The following MYRIP variants were observed in gnomAD, a reference collection of about 807,000 sequenced individuals.
MYRIP encodes myosin VIIA and Rab interacting protein.
Under a neutral mutation model 98.0 loss-of-function variants are expected in MYRIP, and 49 were observed. The observed-to-expected ratio is 0.50, with a 90% CI of 0.40 to 0.63. The LOEUF is 0.63. MYRIP is among the 30% of genes least tolerant of loss of function. The probability of loss-of-function intolerance (pLI) is 0.00; values close to 1 mark genes in which losing one functional copy is unlikely to be tolerated. For missense variants in MYRIP, 1,004 were observed against 1,058.2 expected, an observed-to-expected ratio of 0.95 and a Z score of 0.71; for synonymous variants, 404 against 409.5, an observed-to-expected ratio of 0.99 and a Z score of 0.16.
At chr3:40,173,205 T>C (rs1333265756) in intron 8 of MYRIP, 1 of 152,228 alleles carries the variant, frequency 6.6e-6, no homozygotes, top group Non-Finnish European at 1.5e-5. Context: ...TAGCTCCACA[T>C]GAGAGCACCC....
At chr3:39,875,215 T>C (rs549241495) in intron 1 of MYRIP, among the ~76,000 whole-genome samples, 2 of 152,302 alleles carry the variant, frequency 1.3e-5, no homozygotes, top group African/African-American at 4.8e-5. Context: ...ATTGCATCTA[T>C]TTGATTCTTC....
At chr3:40,089,980 T>C (rs1948711512) in intron 3 of MYRIP, among the ~76,000 whole-genome samples, 1 of 151,696 alleles carries the variant, frequency 6.6e-6, no homozygotes, top group Non-Finnish European at 1.5e-5. Flanking sequence ...TAAAAGTGCT[T>C]CTCTCAATTC....
chr3:39,952,429 AATG>A (rs1197673273), intron 2 of MYRIP, among the ~76,000 whole-genome samples: 1 of 152,158 alleles, frequency 6.6e-6, no homozygotes, highest in Non-Finnish European at 1.5e-5. Flanking sequence ...TATCTATTAA[AATG>A]ATGATGTGGT....
chr3:39,897,760 T>TTCTCAGTC (rs1333446845), intron 1 of MYRIP, among the ~76,000 whole-genome samples: 7 of 152,166 alleles, frequency 4.6e-5, no homozygotes, highest in African/African-American at 1.7e-4. Context: ...AAAGAAAGTT[T>TTCTCAGTC]TCTCAGTCTC....
chr3:40,008,683 T>C (rs944612076), intron 2 of MYRIP, among the ~76,000 whole-genome samples: 1 of 152,182 alleles, frequency 6.6e-6, no homozygotes, highest in African/African-American at 2.4e-5. Context: ...CAGGACTCCT[T>C]ACATCACAGT....
intron 2 of MYRIP, among the ~76,000 whole-genome samples, chr3:40,004,630 A>G (rs4328744): frequency 0.98 from 148,921 of 152,206 alleles, 72,931 homozygotes; most frequent in East Asian, 1. Flanking sequence ...CCTCACCCCA[A>G]CTCCCACCTT....
chr3:40,202,906 C>CTTACTTAT (rs369594921), intron 10 of MYRIP, among the ~76,000 whole-genome samples: 21,700 of 142,146 alleles, frequency 0.15, 1,729 homozygotes, highest in East Asian at 0.28. Flanking sequence ...CCTCCATTTA[C>CTTACTTAT]TTATTTATTT....
In MYRIP at chr3:39,842,617, G is replaced by A. The variant is rs564963314; in HGVS notation, c.-31+32701G>A. Among the ~76,000 whole-genome samples the A allele has an allele frequency of 3.3e-5, 5 of 152,316 alleles. No homozygotes were observed. In the South Asian group the frequency reaches 1.0e-3, roughly 32 times the overall value. ...GGCACCCAAGGGAATCTCCTTGTCT[G>A]TGAATTGCAGAGACCATGGGAAAAG... On this transcript the variant is annotated intron_variant, in intron 1 of 16. Coordinates refer to ENST00000302541, the MANE Select transcript of MYRIP (RefSeq NM_015460.4).
chr3:40,165,827 A>G (rs914356384), intron 5 of MYRIP, among the ~76,000 whole-genome samples: 3 of 151,942 alleles, frequency 2.0e-5, no homozygotes, highest in African/African-American at 7.3e-5. Context: ...GCTTGTATTC[A>G]TCTCAGTTTT....
intron 1 of MYRIP, among the ~76,000 whole-genome samples, chr3:39,884,758 T>C (rs1423707491): frequency 2.0e-5 from 3 of 152,086 alleles, no homozygotes; most frequent in African/African-American, 7.2e-5. Context: ...TCTTCCTTTT[T>C]TTCCTTAACA....
intron 1 of MYRIP, among the ~76,000 whole-genome samples, chr3:39,845,975 A>G (rs1048335314): frequency 6.6e-6 from 1 of 152,226 alleles, no homozygotes; most frequent in African/African-American, 2.4e-5. Context: ...ACCTTCCTGC[A>G]GTCACAGAAT....
At chr3:39,899,325 G>A (rs1943689852) in intron 1 of MYRIP, among the ~76,000 whole-genome samples, 1 of 152,146 alleles carries the variant, frequency 6.6e-6, no homozygotes, top group African/African-American at 2.4e-5. Flanking sequence ...CACTGTGGTA[G>A]AATATTCTAT....
At chr3:40,139,344 A>G (rs1949847231) in intron 3 of MYRIP, among the ~76,000 whole-genome samples, 1 of 152,190 alleles carries the variant, frequency 6.6e-6, no homozygotes, top group African/African-American at 2.4e-5. Context: ...TATAACCACT[A>G]CTACAGTCAA....
chr3:40,105,989 G>A (rs1267684129), intron 3 of MYRIP, among the ~76,000 whole-genome samples: 1 of 151,524 alleles, frequency 6.6e-6, no homozygotes, highest in Non-Finnish European at 1.5e-5. Flanking sequence ...AAGGGGAATG[G>A]TACTAAACCA....
At chr3:39,849,652 C>T (rs572710542) in intron 1 of MYRIP, among the ~76,000 whole-genome samples, 2 of 152,252 alleles carry the variant, frequency 1.3e-5, no homozygotes, top group East Asian at 3.9e-4. Context: ...TTTTTGGGGA[C>T]AGTAAATTGA....
chr3:40,220,164 C>G (rs1952292419), intron 11 of MYRIP, among the ~76,000 whole-genome samples: 1 of 151,898 alleles, frequency 6.6e-6, no homozygotes, highest in Non-Finnish European at 1.5e-5. Flanking sequence ...TATCCTTCGC[C>G]CACTTTTTGA....
At chr3:39,976,638 A>G (rs557979794) in intron 2 of MYRIP, among the ~76,000 whole-genome samples, 1 of 152,334 alleles carries the variant, frequency 6.6e-6, no homozygotes, top group Non-Finnish European at 1.5e-5. Context: ...AAGACTTGGA[A>G]CCAACCCAAA....
intron 1 of MYRIP, among the ~76,000 whole-genome samples, chr3:39,897,050 A>G (rs1943626777): frequency 6.6e-6 from 1 of 152,228 alleles, no homozygotes; most frequent in Non-Finnish European, 1.5e-5. Context: ...TCTTATGATA[A>G]TTAAATTTGA....
At chr3:39,872,704 A>G (rs1384382390) in intron 1 of MYRIP, among the ~76,000 whole-genome samples, 1 of 152,004 alleles carries the variant, frequency 6.6e-6, no homozygotes, top group Non-Finnish European at 1.5e-5. Flanking sequence ...TCCATGGTGT[A>G]TATGTGCCAC....
Sources: gnomAD v4.1 joint callset for allele counts (sites outside exome capture counted in the v4.1 genomes callset) on GRCh38, gnomAD v4.1.1 for gene constraint, MANE v1.5 for transcripts, NCBI Gene and HGNC (gene_info 2026-07-23, HGNC 2026-07-21) for gene names.